Variants in ZNF148 observed in about 807,000 individuals in gnomAD.
The protein encoded by ZNF148 is zinc finger protein 148.
In ZNF148, 7 loss-of-function variants were observed where a neutral mutation model predicts 67.7. The observed-to-expected ratio is 0.10, with a 90% CI of 0.06 to 0.19. The LOEUF (loss-of-function observed/expected upper bound fraction) is 0.19. Among genes scored for constraint, ZNF148 ranks in the 10% least tolerant of loss-of-function variants. ZNF148 has a pLI of 1.00. For missense variants in ZNF148, 583 were observed against 947.1 expected (o/e 0.62, Z 5.05); for synonymous variants, 333 against 330.7 (o/e 1.01, Z -0.08).
At chr3:125,373,337 C>G (rs1424455957) in intron 1 of ZNF148, among the ~76,000 whole-genome samples, 2 of 151,452 alleles carry the variant, frequency 1.3e-5, no homozygotes, top group Admixed American at 1.3e-4. Context: ...GTGATCCGCT[C>G]GCCTCGGCCT....
chr3:125,243,141 C>T (rs573371965), intron 7 of ZNF148, among the ~76,000 whole-genome samples: 2 of 152,256 alleles, frequency 1.3e-5, no homozygotes, highest in South Asian at 2.1e-4. Flanking sequence ...ATACGCCTTC[C>T]CATTTCACAA....
intron 7 of ZNF148, among the ~76,000 whole-genome samples, chr3:125,245,727 G>A (rs1936568914): frequency 6.6e-6 from 1 of 152,116 alleles, no homozygotes; most frequent in South Asian, 2.1e-4. Flanking sequence ...TCACCCAAAG[G>A]TCAAGACACC....
rs59807253 is a variant in ZNF148 at position 125,371,372 on chromosome 3, AGGGGG to A, written c.-234+3725_-234+3729del. ...ACCCTGTTTCAAAAAAAAAAAAAAAAGGGGGGGGGGGGGGCAGGGCGAAGTGGCTC... is the reference window on the plus strand; with the variant it reads ...ACCCTGTTTCAAAAAAAAAAAAAAAAGGGGGGGGGCAGGGCGAAGTGGCTC... On this transcript the variant is annotated intron_variant, in intron 1 of 8. Coordinates refer to ENST00000360647, the MANE Select transcript of ZNF148 (RefSeq NM_021964.3). Among the ~76,000 whole-genome samples, 329 of 65,372 alleles carry A rather than the reference AGGGGG, an allele frequency of 5.0e-3. 2 individuals carry two copies. Among genetic ancestry groups the A allele is most frequent in the Admixed American group, 9.5e-3 (41 of 4,330 alleles). 42.9% of individuals were successfully genotyped at this position (65,372 alleles called of 152,430 possible). A position where few individuals can be genotyped will look rare whatever the true frequency, so the allele number is the denominator to read the frequency against.
Position 125,298,346 on chromosome 3 carries a change from T to C in ZNF148, c.334-10118A>G, listed in dbSNP as rs79437540. Among the ~76,000 whole-genome samples the C allele has an allele frequency of 2.8e-4, 41 of 145,762 alleles. 1 individual carries two copies. The highest frequency in any genetic ancestry group is 8.2e-4 in the African/African-American group (32 of 38,906). On this transcript the variant is annotated intron_variant, in intron 4 of 8. Coordinates refer to ENST00000360647, the MANE Select transcript of ZNF148 (RefSeq NM_021964.3). ...CCTAGAGCAATGTTATAAATGTGCATACACACACACACACACACACACACA... is the reference window on the plus strand; with the variant it reads ...CCTAGAGCAATGTTATAAATGTGCACACACACACACACACACACACACACA...
Position 125,282,981 on chromosome 3 carries a change from C to A in ZNF148, c.460-3734G>T, listed in dbSNP as rs76803968. Among the ~76,000 whole-genome samples the A allele has an allele frequency of 7.2e-3, 1,102 of 152,146 alleles. 9 individuals are homozygous for A. The highest frequency in any genetic ancestry group is 0.025 in the African/African-American group (1,023 of 41,516). On this transcript the variant is annotated intron_variant, in intron 5 of 8. Coordinates refer to ENST00000360647, the MANE Select transcript of ZNF148 (RefSeq NM_021964.3). ...CACTATAGGTTTTTATCATATATTCCTGAATCAATCAAAATCAACTTTGAA... is the reference window on the plus strand; with the variant it reads ...CACTATAGGTTTTTATCATATATTCATGAATCAATCAAAATCAACTTTGAA...
rs1212622166 is a variant in ZNF148 at position 125,247,423 on chromosome 3, CA to C, written c.668-13095del. Reference sequence around the variant, plus strand: ...ATTTCTCAAGTTTCTTAGGATGAAACAGCAAATGAGAGCAGGAAAACTTTTT... The same window carrying C: ...ATTTCTCAAGTTTCTTAGGATGAAACGCAAATGAGAGCAGGAAAACTTTTT... On this transcript the variant is annotated intron_variant, in intron 7 of 8. Coordinates refer to ENST00000360647, the MANE Select transcript of ZNF148 (RefSeq NM_021964.3). 2.6e-5 allele frequency among the ~76,000 whole-genome samples: 4 copies of C among 152,108 alleles called. No individual in the cohort carries two copies. In the South Asian group the frequency reaches 8.3e-4, roughly 32 times the overall value.
chr3:125,263,786 T>C (rs890108864), intron 7 of ZNF148, among the ~76,000 whole-genome samples: 13 of 139,296 alleles, frequency 9.3e-5, no homozygotes, highest in Non-Finnish European at 2.0e-4. Context: ...TCCTGGGTGA[T>C]AGAAGCCTCT....
At chr3:125,274,651 A>G (rs1352023133) in intron 7 of ZNF148, among the ~76,000 whole-genome samples, 1 of 152,230 alleles carries the variant, frequency 6.6e-6, no homozygotes, top group Non-Finnish European at 1.5e-5. Context: ...ACAGCTACCA[A>G]GCAAGTAATG....
intron 1 of ZNF148, among the ~76,000 whole-genome samples, chr3:125,342,591 T>TA (rs796332274): frequency 0.023 from 3,295 of 141,934 alleles, 86 homozygotes; most frequent in African/African-American, 0.07. Context: ...GAAGAAAAGT[T>TA]AAAAAAAAAA....
rs148762600 is a variant in ZNF148, at chr3:125,375,261, CCCT to C, written c.-396_-394del. 0.013 allele frequency: 1,948 copies of C among 154,186 alleles called. 13 individuals carry two copies. The highest frequency in any genetic ancestry group is 0.015 in the Admixed American group (232 of 15,294). The allele number at this position is 154,186 out of a possible 1,614,324, so 9.6% of individuals were successfully genotyped here. The stretch of plus-strand genomic sequence containing the variant: ...CCCTGCGCCTTTCTCCTCTTCCTCC[CCCT>C]CCTCCTCCTCCTCCTCTTCCTCCTT... On this transcript the variant is annotated 5_prime_UTR_variant, in exon 1 of 9. Coordinates refer to ENST00000360647, the MANE Select transcript of ZNF148 (RefSeq NM_021964.3).
intron 3 of ZNF148, 108 bp from the exon 4 acceptor site, chr3:125,313,764 T>C: frequency 1.1e-6 from 1 of 915,014 alleles, no homozygotes; most frequent in Non-Finnish European, 1.6e-6. Flanking sequence ...AAGATTTTAT[T>C]GATGTACTTT....
At position 125,304,742 on chromosome 3, in the gene ZNF148, T is replaced by C. The variant is rs180673293; in HGVS notation, c.333+8566A>G. On this transcript the variant is annotated intron_variant, in intron 4 of 8. Coordinates refer to ENST00000360647, the MANE Select transcript of ZNF148 (RefSeq NM_021964.3). ...TCATTATATACATACATACATTCTC[T>C]AGCTCTGTCCATTGAGAGGCCTAGG... Among the ~76,000 whole-genome samples, 587 of 152,282 alleles carry C rather than the reference T, an allele frequency of 3.9e-3. 6 individuals carry two copies. Among genetic ancestry groups the C allele is most frequent in the Non-Finnish European group, 7.4e-3 (503 of 68,026 alleles).
chr3:125,299,719 A>G (rs1240773311), intron 4 of ZNF148, among the ~76,000 whole-genome samples: 1 of 152,172 alleles, frequency 6.6e-6, no homozygotes, highest in East Asian at 1.9e-4. Flanking sequence ...AGTTGAAATC[A>G]TTAATAATAA....
chr3:125,300,163 G>A (rs1223651504), intron 4 of ZNF148, among the ~76,000 whole-genome samples: 1 of 152,064 alleles, frequency 6.6e-6, no homozygotes, highest in Non-Finnish European at 1.5e-5. Context: ...GTAGAGACAG[G>A]GTTTCACCAT....
At chr3:125,310,405 T>A (rs185512704) in intron 4 of ZNF148, among the ~76,000 whole-genome samples, 32 of 152,228 alleles carry the variant, frequency 2.1e-4, no homozygotes, top group African/African-American at 7.2e-4. Flanking sequence ...ACAGAAATTT[T>A]AAAATATATT....
chr3:125,286,787 CT>C, intron 5 of ZNF148, among the ~76,000 whole-genome samples: 1 of 152,230 alleles, frequency 6.6e-6, no homozygotes, highest in East Asian at 1.9e-4. Context: ...CCATATCTAT[CT>C]GCACAAATTT....
chr3:125,238,209 T>C (rs1936182356), intron 7 of ZNF148, among the ~76,000 whole-genome samples: 2 of 152,162 alleles, frequency 1.3e-5, no homozygotes, highest in Admixed American at 1.3e-4. Flanking sequence ...GAATAAATCC[T>C]TATGACCTTA....
At chr3:125,289,447 G>A (rs1938887363) in intron 4 of ZNF148, among the ~76,000 whole-genome samples, 1 of 152,182 alleles carries the variant, frequency 6.6e-6, no homozygotes, top group African/African-American at 2.4e-5. Flanking sequence ...TATTTAGCTA[G>A]TAATTCTACC....
chr3:125,282,131 G>GAGT (rs1938422860), intron 5 of ZNF148, among the ~76,000 whole-genome samples: 1 of 152,120 alleles, frequency 6.6e-6, no homozygotes, highest in Admixed American at 6.6e-5. Context: ...TCAGATAACT[G>GAGT]AGTAGTGAGA....
Sources: gnomAD v4.1 joint callset for allele counts (sites outside exome capture counted in the v4.1 genomes callset) on GRCh38, gnomAD v4.1.1 for gene constraint, MANE v1.5 for transcripts, NCBI Gene and HGNC (gene_info 2026-07-23, HGNC 2026-07-21) for gene names.